GRIN2A: variants seen among roughly 807,000 people sequenced by gnomAD.
GRIN2A encodes glutamate receptor ionotropic, NMDA 2A.
In GRIN2A, 22 loss-of-function variants were observed where a neutral mutation model predicts 113.4. The ratio of observed to expected loss-of-function variants is 0.19; its 90% CI spans 0.14 to 0.28. The LOEUF (loss-of-function observed/expected upper bound fraction) is 0.28, where lower values mean the gene tolerates loss of function less well. GRIN2A is among the 10% of genes least tolerant of loss of function. GRIN2A has a pLI of 1.00. For missense variants in GRIN2A, 1,502 were observed against 1,887.0 expected (o/e 0.80, Z 3.78); for synonymous variants, 827 against 738.4 (o/e 1.12, Z -1.94).
chr16:10,160,431 T>C (rs2049787804), intron 2 of GRIN2A, among the ~76,000 whole-genome samples: 1 of 152,180 alleles, frequency 6.6e-6, no homozygotes, highest in South Asian at 2.1e-4. Flanking sequence ...CCCCAGCAAG[T>C]ACCCCAGACC....
intron 2 of GRIN2A, among the ~76,000 whole-genome samples, chr16:10,172,934 T>C (rs914200996): frequency 1.3e-4 from 20 of 152,088 alleles, no homozygotes; most frequent in African/African-American, 4.8e-4. Flanking sequence ...CAGCCCTCTT[T>C]CTCTCTCTTT....
intron 2 of GRIN2A, among the ~76,000 whole-genome samples, chr16:10,110,503 C>T (rs7205866): frequency 0.27 from 41,253 of 152,108 alleles, 5,816 homozygotes; most frequent in East Asian, 0.45. Context: ...AAGAGAGATA[C>T]CAATGAGGAA....
chr16:10,122,112 C>G (rs1048952004), intron 2 of GRIN2A, among the ~76,000 whole-genome samples: 1 of 152,170 alleles, frequency 6.6e-6, no homozygotes, highest in African/African-American at 2.4e-5. Flanking sequence ...AAACTGGTAA[C>G]CTATTGACAA....
At chr16:9,933,440 C>G (rs901517027) in intron 3 of GRIN2A, among the ~76,000 whole-genome samples, 1 of 152,160 alleles carries the variant, frequency 6.6e-6, no homozygotes, top group Non-Finnish European at 1.5e-5. Context: ...AAATCTGGAT[C>G]CCAGATCCCC....
chr16:9,975,262 T>A (rs910176754), intron 2 of GRIN2A, among the ~76,000 whole-genome samples: 1 of 152,128 alleles, frequency 6.6e-6, no homozygotes, highest in Non-Finnish European at 1.5e-5. Flanking sequence ...CCCTGGAACC[T>A]CTGAATGTGT....
intron 2 of GRIN2A, among the ~76,000 whole-genome samples, chr16:10,055,371 T>G (rs12102636): frequency 0.14 from 21,265 of 152,170 alleles, 2,079 homozygotes; most frequent in African/African-American, 0.27. Context: ...CAGTACATGG[T>G]TGTTTGTTAT....
chr16:10,077,142 G>A (rs1184889605), intron 2 of GRIN2A, among the ~76,000 whole-genome samples: 2 of 152,116 alleles, frequency 1.3e-5, no homozygotes, highest in African/African-American at 2.4e-5. Flanking sequence ...TCTAAAAGCT[G>A]GAAAGCCCAG....
rs754037282 is a variant in GRIN2A, at chr16:9,891,100, T to C, written c.1008A>G (p.Pro336=). Residue 336 remains proline, a splice_region_variant and synonymous_variant, in exon 4 of 13, where the codon CCA becomes CCG. Coordinates refer to ENST00000330684, the MANE Select transcript of GRIN2A (RefSeq NM_001134407.3). The stretch of plus-strand genomic sequence containing the variant: ...CATCCCATGTAACATTGACCATAAA[T>C]CTAGAAAGGGGAAGAGAGAAAGACA... ...RPEVPMHTLH[P]FMVNVTWDGK... 29 of 1,587,868 alleles carry C rather than the reference T, an allele frequency of 1.8e-5. No individual in the cohort carries two copies. Among genetic ancestry groups the C allele is most frequent in the Non-Finnish European group, 2.4e-5 (28 of 1,156,318 alleles).
At chr16:10,179,969 C>T (rs1307092441) in intron 2 of GRIN2A, 29 bp downstream of exon 2, 2 of 1,563,146 alleles carry the variant, frequency 1.3e-6, no homozygotes, top group African/African-American at 2.7e-5. Context: ...CTTCCCAGGT[C>T]CTGGCAGGGC....
intron 2 of GRIN2A, among the ~76,000 whole-genome samples, chr16:9,974,587 G>A (rs572643318): frequency 4.6e-5 from 7 of 152,260 alleles, no homozygotes; most frequent in Admixed American, 2.6e-4. Flanking sequence ...GCTCGCGGCC[G>A]AATAAACCTC....
chr16:10,181,169 A>ACTCAACTGCAAGTGGGCCCAGGACCCG (rs1169426417), intron 1 of GRIN2A, among the ~76,000 whole-genome samples: 4 of 151,782 alleles, frequency 2.6e-5, no homozygotes, highest in Non-Finnish European at 5.9e-5. Flanking sequence ...AGAGTCCTTC[A>ACTCAACTGCAAGTGGGCCCAGGACCCG]CCCCTACACG....
At chr16:9,938,601 T>C (rs760822994) in intron 2 of GRIN2A, 50 bp from the exon 3 acceptor site, 9 of 1,347,580 alleles carry the variant, frequency 6.7e-6, no homozygotes, top group East Asian at 2.3e-5. Flanking sequence ...AGGTGGTTTA[T>C]ATAGAAGCAC....
chr16:9,922,738 T>C (rs1396035605), intron 3 of GRIN2A, among the ~76,000 whole-genome samples: 1 of 152,180 alleles, frequency 6.6e-6, no homozygotes, highest in Non-Finnish European at 1.5e-5. Context: ...TTTTTATTTA[T>C]TCTTTTACCC....
intron 2 of GRIN2A, among the ~76,000 whole-genome samples, chr16:10,083,221 GGGTGTGCAAATCTGTGACA>G (rs2048017931): frequency 6.6e-6 from 1 of 152,232 alleles, no homozygotes; most frequent in South Asian, 2.1e-4. Context: ...AGCTAGTTCT[GGGTGTGCAAATCTGTGACA>G]GGTGTGCAAG....
intron 4 of GRIN2A, among the ~76,000 whole-genome samples, chr16:9,876,982 C>T (rs1364318419): frequency 1.3e-5 from 2 of 152,142 alleles, no homozygotes; most frequent in East Asian, 1.9e-4. Context: ...TTCCACTCAA[C>T]TTCCAAGGCA....
chr16:10,005,500 ATGAG>A (rs769606047), intron 2 of GRIN2A, among the ~76,000 whole-genome samples: 1 of 152,236 alleles, frequency 6.6e-6, no homozygotes, highest in Non-Finnish European at 1.5e-5. Context: ...AGTGTGTACC[ATGAG>A]TGAGTGAAGT....
At chr16:10,093,740 C>G (rs965750473) in intron 2 of GRIN2A, among the ~76,000 whole-genome samples, 3 of 152,156 alleles carry the variant, frequency 2.0e-5, no homozygotes, top group Non-Finnish European at 2.9e-5. Flanking sequence ...CACTTAAGAA[C>G]CAGGATACAG....
chr16:9,757,702 C>A lies in GRIN2A; in HGVS notation c.*5447G>T, dbSNP rs145736101. 6.1e-3 allele frequency: 1,329 copies of A among 217,894 alleles called. 13 individuals carry two copies. The highest frequency in any genetic ancestry group is 0.028 in the African/African-American group (1,242 of 44,622). The allele number at this position is 217,894 out of a possible 1,614,324, so 13.5% of individuals were successfully genotyped here. ...AATTATTTCAATGGTCACTGCCAGC[C>A]TTTTATCTTCAGTTTGAGGTTTTAA... On this transcript the variant is annotated 3_prime_UTR_variant, in exon 13 of 13. Transcript: ENST00000330684.
rs1376944032 is a variant in GRIN2A at position 9,754,858 on chromosome 16, A to C, written c.*8291T>G. On this transcript the variant is annotated 3_prime_UTR_variant, in exon 13 of 13. Transcript: ENST00000330684. Reference sequence around the variant, plus strand: ...TCAGTTATCAATAGTCTTTGATTTGAGCCCTTTAAAACTTGAAACAGCAAA... The same window carrying C: ...TCAGTTATCAATAGTCTTTGATTTGCGCCCTTTAAAACTTGAAACAGCAAA... 4.5e-6 allele frequency: 1 copy of C among 224,254 alleles called. No homozygotes were observed. Among genetic ancestry groups the C allele is most frequent in the African/African-American group, 2.2e-5 (1 of 44,864 alleles). 13.9% of individuals were successfully genotyped at this position (224,254 alleles called of 1,614,324 possible). A position where few individuals can be genotyped will look rare whatever the true frequency, so the allele number is the denominator to read the frequency against.
Sources: allele counts gnomAD v4.1 joint callset (sites outside exome capture counted in the v4.1 genomes callset), GRCh38; gene constraint gnomAD v4.1.1; transcripts MANE v1.5; gene names NCBI Gene and HGNC (gene_info 2026-07-23, HGNC 2026-07-21).